Variants in TEX11 observed in about 807,000 individuals in gnomAD.
TEX11 encodes the protein testis-expressed protein 11.
TEX11 carries 7 observed loss-of-function variants against 84.4 expected under a neutral mutation model. The ratio of observed to expected loss-of-function variants is 0.08; its 90% confidence interval spans 0.05 to 0.16. The LOEUF (loss-of-function observed/expected upper bound fraction) is 0.16, where lower values mean the gene tolerates loss of function less well. Ranked by LOEUF, TEX11 falls within the 10% of genes least tolerant of loss-of-function variation. The pLI, the probability that TEX11 is intolerant of heterozygous loss-of-function variation, is 1.00. For missense variants in TEX11, 551 were observed against 660.5 expected (o/e 0.83, Z 1.82); for synonymous variants, 264 against 222.8 (o/e 1.18, Z -1.64).
the TEX11 span, among the ~76,000 whole-genome samples, chrX:70,522,824 T>G: frequency 9.0e-6 from 1 of 110,500 alleles, no homozygotes; most frequent in Non-Finnish European, 1.9e-5. Flanking sequence ...ATTACAGGCA[T>G]GAGCCACCGC....
chrX:70,534,667 T>G (rs752133262), intron 28 of TEX11, among the ~76,000 whole-genome samples: 2 of 111,819 alleles, frequency 1.8e-5, no homozygotes, highest in South Asian at 7.7e-4. Flanking sequence ...GGCAGCCACG[T>G]AGATCTCTAA....
chrX:70,778,654 T>C (rs2091017147), intron 9 of TEX11, among the ~76,000 whole-genome samples: 2 of 110,940 alleles, frequency 1.8e-5, no homozygotes, highest in African/African-American at 6.6e-5. Flanking sequence ...TTTTTGTTTT[T>C]TGTTTGTTTG....
intron 2 of TEX11, among the ~76,000 whole-genome samples, chrX:70,882,464 C>T (rs1423517533): frequency 9.0e-6 from 1 of 110,588 alleles, no homozygotes; most frequent in Non-Finnish European, 1.9e-5. Context: ...ACTACAAGCA[C>T]ATGCCACCAA....
intron 4 of TEX11, 30 bp from the exon 5 acceptor site, chrX:70,860,966 C>CACAAA (rs1038107481): frequency 2.1e-6 from 2 of 964,173 alleles, no homozygotes; most frequent in African/African-American, 4.0e-5. Flanking sequence ...CAATGATAAA[C>CACAAA]ACAAAACATT....
intron 11 of TEX11, 94 bp downstream of exon 11, chrX:70,740,606 TA>T (rs2090727001): frequency 5.7e-6 from 3 of 525,371 alleles, no homozygotes; most frequent in Non-Finnish European, 9.1e-6. Flanking sequence ...TCTGTGAGAG[TA>T]AATGCTGAAG....
intron 2 of TEX11, among the ~76,000 whole-genome samples, chrX:70,891,336 C>G (rs1602215382): frequency 1.8e-5 from 2 of 111,719 alleles, no homozygotes; most frequent in Non-Finnish European, 3.8e-5. Flanking sequence ...TCCAAAGGAT[C>G]GCAGCTCCTC....
chrX:70,694,009 A>T (rs1420400019), intron 13 of TEX11, among the ~76,000 whole-genome samples: 1 of 111,599 alleles, frequency 9.0e-6, no homozygotes, highest in Non-Finnish European at 1.9e-5. Context: ...ATAAAAGTTA[A>T]AAAAAACCCC....
intron 11 of TEX11, among the ~76,000 whole-genome samples, chrX:70,727,129 C>A (rs1191475856): frequency 9.0e-6 from 1 of 111,366 alleles, no homozygotes; most frequent in Non-Finnish European, 1.9e-5. Flanking sequence ...AGTTAAGTAA[C>A]TTACCCATGG....
chrX:70,806,799 TAA>T lies in TEX11; in HGVS notation c.607-11_607-10del. 8.9e-7 allele frequency: 1 copy of T among 1,118,784 alleles called. No individual in the cohort carries two copies. The highest frequency in any genetic ancestry group is 1.2e-6 in the Non-Finnish European group (1 of 826,360). 92.2% of individuals were successfully genotyped at this position (1,118,784 alleles called of 1,213,427 possible). ...TGATGAAGACTTGAAGTCTGCAATATAAAAAAAATGCATTAGATTCATGATTT... is the reference window on the plus strand; with the variant it reads ...TGATGAAGACTTGAAGTCTGCAATATAAAAAATGCATTAGATTCATGATTT... On this transcript the variant is annotated splice_polypyrimidine_tract_variant and intron_variant, in intron 8 of 29. Coordinates refer to ENST00000374333, the MANE Select transcript of TEX11 (RefSeq NM_031276.3).
At chrX:70,556,611 TAG>T in intron 25 of TEX11, among the ~76,000 whole-genome samples, 1 of 111,817 alleles carries the variant, frequency 8.9e-6, no homozygotes, top group Middle Eastern at 4.6e-3. Context: ...TGTTGTTGGG[TAG>T]AGTGTTCTAA....
At chrX:70,642,326 A>G (rs2089672144) in intron 17 of TEX11, among the ~76,000 whole-genome samples, 1 of 111,673 alleles carries the variant, frequency 9.0e-6, no homozygotes, top group Admixed American at 9.5e-5. Context: ...TCACAGCCGA[A>G]TTCTACCAGA....
At chrX:70,644,507 G>A (rs1355845805) in intron 17 of TEX11, among the ~76,000 whole-genome samples, 1 of 108,850 alleles carries the variant, frequency 9.2e-6, no homozygotes, top group Non-Finnish European at 1.9e-5. Context: ...CAATAGCAAA[G>A]GCTTGGAACC....
At chrX:70,545,206 A>G (rs1486170094) in intron 28 of TEX11, among the ~76,000 whole-genome samples, 1 of 112,154 alleles carries the variant, frequency 8.9e-6, no homozygotes, top group Non-Finnish European at 1.9e-5. Flanking sequence ...CTCTGTCTCA[A>G]AAAAACAAAA....
At chrX:70,892,817 T>C (rs892986377) in intron 2 of TEX11, among the ~76,000 whole-genome samples, 1 of 109,141 alleles carries the variant, frequency 9.2e-6, no homozygotes, top group Non-Finnish European at 1.9e-5. Flanking sequence ...CAATCTCACG[T>C]GCAAAGACAC....
chrX:70,857,943 A>G (rs778590397), intron 5 of TEX11, among the ~76,000 whole-genome samples: 9 of 111,417 alleles, frequency 8.1e-5, no homozygotes, highest in African/African-American at 2.6e-4. Flanking sequence ...TTCTAAGTGA[A>G]GTAACTCAGG....
chrX:70,577,923 T>C (rs2088701149), intron 25 of TEX11, among the ~76,000 whole-genome samples: 1 of 110,635 alleles, frequency 9.0e-6, no homozygotes, highest in Non-Finnish European at 1.9e-5. Context: ...AGATGGGGTT[T>C]CACCAAGTTG....
rs1161423432 is a variant in TEX11 at position 70,717,322 on chromosome X, C to CT, written c.1004+5295dup. ...TACAGAACTTCATTCACTTTCTTTT[C>CT]TTTTTTTTTTTTTTGAGATGGAGTC... is the stretch of plus-strand genomic sequence containing the variant. On this transcript the variant is annotated intron_variant, in intron 13 of 29. Coordinates refer to ENST00000374333, the MANE Select transcript of TEX11 (RefSeq NM_031276.3). Among the ~76,000 whole-genome samples the CT allele has an allele frequency of 1.5e-3, 149 of 102,123 alleles. 1 individual carries two copies. The highest frequency in any genetic ancestry group is 9.4e-3 in the East Asian group (31 of 3,315). The allele number at this position is 102,123 out of a possible 115,157, so 88.7% of individuals were successfully genotyped here.
chrX:70,517,403 C>T, the TEX11 span, among the ~76,000 whole-genome samples: 1 of 110,987 alleles, frequency 9.0e-6, no homozygotes, highest in African/African-American at 3.3e-5. Context: ...CCTTTGCTTC[C>T]ATTTGTGTGA....
intron 2 of TEX11, among the ~76,000 whole-genome samples, chrX:70,884,538 C>T (rs1380560406): frequency 9.0e-6 from 1 of 111,501 alleles, no homozygotes; most frequent in East Asian, 2.8e-4. Flanking sequence ...AAGGGTCTGG[C>T]AAAATCAGGC....
Sources: allele counts gnomAD v4.1 joint callset (sites outside exome capture counted in the v4.1 genomes callset), GRCh38; gene constraint gnomAD v4.1.1; transcripts MANE v1.5; gene names NCBI Gene and HGNC (gene_info 2026-07-23, HGNC 2026-07-21).